Variants in EDRF1 observed in about 807,000 individuals in gnomAD.
EDRF1 encodes the protein erythroid differentiation-related factor 1.
In EDRF1, 69 loss-of-function variants were observed where a neutral mutation model predicts 148.7. The ratio of observed to expected loss-of-function variants is 0.46; its 90% confidence interval spans 0.38 to 0.57. The LOEUF (loss-of-function observed/expected upper bound fraction) is 0.57. EDRF1 is among the 20% of genes least tolerant of loss of function. EDRF1 has a pLI of 0.00. For missense variants in EDRF1, 1,118 were observed against 1,478.7 expected (o/e 0.76, Z 4.00); for synonymous variants, 515 against 532.8 (o/e 0.97, Z 0.46).
chr10:125,723,395 A>G (rs1848096547), intron 3 of EDRF1, among the ~76,000 whole-genome samples: 1 of 152,206 alleles, frequency 6.6e-6, no homozygotes, highest in Non-Finnish European at 1.5e-5. Context: ...TTTTAATGAT[A>G]GTAATTGAAA....
rs1419901762 is a variant in EDRF1 at position 125,733,650 on chromosome 10, T to C, written c.1292T>C (p.Ile431Thr). The C allele has an allele frequency of 1.2e-6, 2 of 1,613,584 alleles. No individual in the cohort carries two copies. Among genetic ancestry groups the C allele is most frequent in the Non-Finnish European group, 1.7e-6 (2 of 1,179,584 alleles). Residue 431 changes from isoleucine (I) to threonine (T), a missense_variant, in exon 11 of 25, where the codon ATA becomes ACA. This residue lies in a region of EDRF1 where 954 missense variants were observed against 1,241.4 expected (regional missense o/e 0.77). Transcript: ENST00000356792. ...YWLFKASGSD[I>T]VKLYDLTTLC... is the part of the protein sequence containing the mutation. Reference sequence around the variant, plus strand: ...TTCTTTTCAGCAAGTGGCAGCGATATAGTGAAGCTCTATGACCTCACTACT... The same window carrying C: ...TTCTTTTCAGCAAGTGGCAGCGATACAGTGAAGCTCTATGACCTCACTACT...
chr10:125,753,769 A>C lies in EDRF1; in HGVS notation c.3469A>C (p.Ser1157Arg). ...TCGAGAAGAAGTGATGAAACTCCTC[A>C]GTATATTTGAGTCTCGGTTGTCATT... is the stretch of plus-strand genomic sequence containing the variant. ...LNREEVMKLL[S>R]IFESRLSFLL... Residue 1157 changes from serine to arginine, a missense_variant, in exon 24 of 25, where the codon AGT (serine) becomes CGT (arginine). This residue lies in a region of EDRF1 where 954 missense variants were observed against 1,241.4 expected (regional missense o/e 0.77). Transcript: ENST00000356792. The C allele has an allele frequency of 1.2e-6, 2 of 1,613,882 alleles. No homozygotes were observed. Among genetic ancestry groups the C allele is most frequent in the Admixed American group, 1.7e-5 (1 of 59,998 alleles).
chr10:125,721,115 G>A, intron 1 of EDRF1, 89 bp from the exon 2 acceptor site: 1 of 1,266,694 alleles, frequency 7.9e-7, no homozygotes, highest in South Asian at 1.2e-5. Flanking sequence ...GTGAAGCCTG[G>A]TGTGACAGGT....
chr10:125,728,967 CA>C, intron 6 of EDRF1, 35 bp from the exon 7 acceptor site: 1 of 1,483,432 alleles, frequency 6.7e-7, no homozygotes, highest in Non-Finnish European at 9.0e-7. Flanking sequence ...GAAATGTTGA[CA>C]GCAGAATCAC....
chr10:125,720,660 AAT>A lies in EDRF1; in HGVS notation c.109-543_109-542del, dbSNP rs545267381. 6.7e-4 allele frequency among the ~76,000 whole-genome samples: 102 copies of A among 152,078 alleles called. 1 individual carries two copies. The South Asian group carries it at 0.01, about 15-fold the overall frequency. On this transcript the variant is annotated intron_variant, in intron 1 of 24. Transcript: ENST00000356792. ...ACCCTGTCTCTACTAAAAATACAAA[AAT>A]TAGCCGGACGTGGTAGTGCACGCCT...
At chr10:125,754,930 C>T (rs1849826408) in intron 24 of EDRF1, among the ~76,000 whole-genome samples, 1 of 152,052 alleles carries the variant, frequency 6.6e-6, no homozygotes, top group Middle Eastern at 3.2e-3. Flanking sequence ...AAAATGGACT[C>T]TTTGTGGTGT....
chr10:125,741,304 T>A, intron 17 of EDRF1, 103 bp downstream of exon 17: 1 of 1,064,716 alleles, frequency 9.4e-7, no homozygotes, highest in Middle Eastern at 2.0e-4. Context: ...AGAGTTTTGA[T>A]ATTTGCTCTG....
chr10:125,731,230 A>G (rs1848469585), intron 9 of EDRF1, among the ~76,000 whole-genome samples: 1 of 152,222 alleles, frequency 6.6e-6, no homozygotes, highest in Non-Finnish European at 1.5e-5. Context: ...ATTCAGAAAG[A>G]GATAATCTAA....
At chr10:125,753,640 A>G in intron 23 of EDRF1, 54 bp from the exon 24 acceptor site, 1 of 1,603,342 alleles carries the variant, frequency 6.2e-7, no homozygotes, top group Non-Finnish European at 8.5e-7. Context: ...TTGGTACGAT[A>G]TGAAACTACA....
chr10:125,729,399 T>A lies in EDRF1; in HGVS notation c.936T>A (p.Phe312Leu). The change falls in exon 8 of 25, where the codon TTT becomes TTA. Residue 312 changes from phenylalanine (F) to leucine (L), a missense_variant. Around this residue, in one of 3 missense-constraint regions of EDRF1, gnomAD observed 954 missense variants for 1,241.4 expected, o/e 0.77. Transcript: ENST00000356792. Reference protein sequence around the residue: ...NDFVRNILWTFEDIHMLVGSN... With the variant: ...NDFVRNILWTLEDIHMLVGSN... ...TTGTTCGGAATATTCTATGGACATT[T>A]GAAGATATCCATATGTTGGTCGGCT... The A allele has an allele frequency of 1.9e-6, 3 of 1,613,920 alleles. No individual in the cohort carries two copies. The highest frequency in any genetic ancestry group is 2.5e-6 in the Non-Finnish European group (3 of 1,179,774).
chr10:125,744,431 G>C (rs538200558), intron 18 of EDRF1, among the ~76,000 whole-genome samples: 3 of 152,120 alleles, frequency 2.0e-5, no homozygotes, highest in African/African-American at 7.2e-5. Flanking sequence ...CAGTCCTCAC[G>C]CTTTGGCTTC....
intron 12 of EDRF1, 23 bp downstream of exon 12, chr10:125,734,206 C>T: frequency 6.6e-7 from 1 of 1,526,458 alleles, no homozygotes; most frequent in Non-Finnish European, 9.1e-7. Context: ...TTTATGTATT[C>T]TCTAAAACAA....
chr10:125,721,843 ATGTTGGG>A (rs1848022104), intron 2 of EDRF1, among the ~76,000 whole-genome samples: 1 of 152,138 alleles, frequency 6.6e-6, no homozygotes, highest in Non-Finnish European at 1.5e-5. Flanking sequence ...AAAACCCAGC[ATGTTGGG>A]TGACCTACAC....
Position 125,728,017 on chromosome 10 carries a change from C to T in EDRF1, c.793-986C>T, listed in dbSNP as rs368080144. On this transcript the variant is annotated intron_variant, in intron 6 of 24. Transcript: ENST00000356792. ...TTAGAGACCAGCCTGGCCAACATGG[C>T]GAAACCCCATCTCTATTTAAAAAAA... Among the ~76,000 whole-genome samples the T allele has an allele frequency of 1.4e-4, 21 of 151,610 alleles. No homozygotes were observed. In the East Asian group the frequency reaches 2.3e-3, roughly 17 times the overall value.
intron 12 of EDRF1, among the ~76,000 whole-genome samples, chr10:125,735,325 T>C (rs1848673588): frequency 6.6e-6 from 1 of 152,158 alleles, no homozygotes; most frequent in Non-Finnish European, 1.5e-5. Context: ...ATTAAATTTT[T>C]GTTAATATTT....
At chr10:125,730,912 G>A (rs1249244339) in intron 9 of EDRF1, among the ~76,000 whole-genome samples, 1 of 152,194 alleles carries the variant, frequency 6.6e-6, no homozygotes, top group Non-Finnish European at 1.5e-5. Flanking sequence ...AGGAGACTGA[G>A]GCAGCAGGAT....
intron 16 of EDRF1, 66 bp from the exon 17 acceptor site, chr10:125,740,935 A>G: frequency 2.7e-6 from 4 of 1,499,376 alleles, no homozygotes; most frequent in Admixed American, 3.3e-5. Context: ...GTTTCTTCAT[A>G]TTTCCTATGA....
At chr10:125,742,793 T>C in intron 17 of EDRF1, 9 of 982,700 alleles carry the variant, frequency 9.2e-6, no homozygotes, top group Non-Finnish European at 1.1e-5. Context: ...CAAGTGTACC[T>C]GGGAAAACCT....
In EDRF1 at chr10:125,728,950, A is replaced by G. The variant is rs1379063246; in HGVS notation, c.793-53A>G. On this transcript the variant is annotated intron_variant, in intron 6 of 24. Transcript: ENST00000356792. ...AGGTGATACTCTCAAAAGTGGGTCAATTTTAAGAAATGTTGACAGCAGAAT... is the reference window on the plus strand; with the variant it reads ...AGGTGATACTCTCAAAAGTGGGTCAGTTTTAAGAAATGTTGACAGCAGAAT... 7 of 1,419,140 alleles carry G rather than the reference A, an allele frequency of 4.9e-6. 1 individual carries two copies. In the Middle Eastern group the frequency reaches 7.0e-4, roughly 143 times the overall value. 87.9% of individuals were successfully genotyped at this position (1,419,140 alleles called of 1,614,324 possible).
Sources: gnomAD v4.1 joint callset for allele counts (sites outside exome capture counted in the v4.1 genomes callset) on GRCh38, gnomAD v4.1.1 for gene constraint, gnomAD v4.1.1 regional missense constraint, MANE v1.5 for transcripts, NCBI Gene and HGNC (gene_info 2026-07-23, HGNC 2026-07-21) for gene names.